ABTB2: variants seen among roughly 807,000 people sequenced by gnomAD.
ABTB2 encodes the protein ankyrin repeat and BTB domain containing 2, also known as ankyrin repeat and BTB/POZ domain-containing protein 2.
In ABTB2, 56 loss-of-function variants were observed where a neutral mutation model predicts 104.1. That is an observed-to-expected ratio of 0.54 (90% CI 0.43 to 0.67). The LOEUF is 0.67. Ranked by LOEUF, ABTB2 falls within the 30% of genes least tolerant of loss-of-function variation. The probability of loss-of-function intolerance (pLI) is 0.00; values close to 1 mark genes in which losing one functional copy is unlikely to be tolerated. For synonymous variants in ABTB2, 606 were observed against 608.2 expected (o/e 1.00, Z 0.05); for missense variants, 1,279 against 1,407.7 (o/e 0.91, Z 1.46).
intron 1 of ABTB2, among the ~76,000 whole-genome samples, chr11:34,338,630 G>C (rs912236979): frequency 1.3e-5 from 2 of 151,898 alleles, no homozygotes. Flanking sequence ...CACTTGAACC[G>C]GGGCAAGGCT....
At chr11:34,301,909 C>G (rs1854711542) in intron 1 of ABTB2, among the ~76,000 whole-genome samples, 1 of 152,190 alleles carries the variant, frequency 6.6e-6, no homozygotes, top group Non-Finnish European at 1.5e-5. Context: ...ATCGCTTGTG[C>G]CCAGAGGTTT....
intron 3 of ABTB2, among the ~76,000 whole-genome samples, chr11:34,196,940 C>G (rs1264228498): frequency 6.6e-6 from 1 of 152,238 alleles, no homozygotes; most frequent in African/African-American, 2.4e-5. Context: ...GGCCAAGGGC[C>G]AGTTCCCACC....
chr11:34,355,425 C>T (rs925769802), intron 1 of ABTB2, among the ~76,000 whole-genome samples: 2 of 152,174 alleles, frequency 1.3e-5, no homozygotes, highest in South Asian at 2.1e-4. Context: ...TATTTAACTG[C>T]TGGGTACCTT....
rs1038819290 is a variant in ABTB2, at chr11:34,357,706, G to A, written c.-123C>T. The A allele has an allele frequency of 3.6e-6, 4 of 1,125,176 alleles. No homozygotes were observed. The highest frequency in any genetic ancestry group is 1.6e-5 in the African/African-American group (1 of 61,440). 69.7% of individuals were successfully genotyped at this position (1,125,176 alleles called of 1,614,324 possible). On this transcript the variant is annotated 5_prime_UTR_variant, in exon 1 of 17. Coordinates refer to ENST00000435224, the MANE Select transcript of ABTB2 (RefSeq NM_145804.3). Reference sequence around the variant, plus strand: ...CCACCCTCCTTCCTCTCTGCGTCGCGGGGCTCGGCGGCCGCATTGCCTGCC... The same window carrying A: ...CCACCCTCCTTCCTCTCTGCGTCGCAGGGCTCGGCGGCCGCATTGCCTGCC...
intron 1 of ABTB2, among the ~76,000 whole-genome samples, chr11:34,337,957 C>G (rs941122565): frequency 2.6e-5 from 4 of 152,116 alleles, no homozygotes; most frequent in Non-Finnish European, 5.9e-5. Flanking sequence ...CCAAACTGTA[C>G]ATCCTCAAGA....
intron 1 of ABTB2, among the ~76,000 whole-genome samples, chr11:34,258,318 T>A (rs746749736): frequency 1.6e-4 from 24 of 152,220 alleles, no homozygotes; most frequent in Non-Finnish European, 3.4e-4. Context: ...CACTTCATTT[T>A]TTTTTCCCTT....
In ABTB2 at chr11:34,170,211, C is replaced by T. The variant is rs925548666; in HGVS notation, c.1563+695G>A. Among the ~76,000 whole-genome samples the T allele has an allele frequency of 2.6e-5, 4 of 152,184 alleles. No homozygotes were observed. The South Asian group carries it at 8.3e-4, about 31-fold the overall frequency. ...AGCAACCTCTCTGTCCCTCAATTTC[C>T]TCATCTATACAATGGGGAAAATAAT... On this transcript the variant is annotated intron_variant, in intron 5 of 16. Coordinates refer to ENST00000435224, the MANE Select transcript of ABTB2 (RefSeq NM_145804.3).
intron 1 of ABTB2, among the ~76,000 whole-genome samples, chr11:34,248,122 A>T: frequency 7.3e-6 from 1 of 137,458 alleles, no homozygotes; most frequent in Non-Finnish European, 1.5e-5. Context: ...AAAAAAAAAA[A>T]CAGGGTCTTG....
chr11:34,167,815 A>G, intron 6 of ABTB2, 88 bp downstream of exon 6: 1 of 1,409,612 alleles, frequency 7.1e-7, no homozygotes, highest in Non-Finnish European at 9.9e-7. Context: ...CAGTTGCCCA[A>G]AACATCACGC....
Position 34,159,438 on chromosome 11 carries a change from CTG to C in ABTB2, c.2607-54_2607-53del, listed in dbSNP as rs776847720. The C allele has an allele frequency of 5.4e-5, 67 of 1,249,734 alleles. No individual in the cohort carries two copies. The Admixed American group carries it at 1.1e-3, about 21-fold the overall frequency. 77.4% of individuals were successfully genotyped at this position (1,249,734 alleles called of 1,614,324 possible). ...GGGTTTTGAACCTTTTACTTCACCA[CTG>C]TGTGGCGATGGCACCATCTGTCACC... On this transcript the variant is annotated intron_variant, in intron 13 of 16. Coordinates refer to ENST00000435224, the MANE Select transcript of ABTB2 (RefSeq NM_145804.3).
intron 3 of ABTB2, among the ~76,000 whole-genome samples, chr11:34,186,324 C>T (rs548574685): frequency 1.6e-4 from 24 of 152,348 alleles, no homozygotes; most frequent in Middle Eastern, 3.4e-3. Flanking sequence ...GGATAGAAAT[C>T]CCAAGAGCTG....
chr11:34,351,361 T>C (rs1855395835), intron 1 of ABTB2, among the ~76,000 whole-genome samples: 1 of 152,236 alleles, frequency 6.6e-6, no homozygotes, highest in Non-Finnish European at 1.5e-5. Context: ...TCAATCCTCC[T>C]GTTGACTTTT....
chr11:34,154,331 G>A lies in ABTB2; in HGVS notation c.2814C>T (p.His938=). The A allele has an allele frequency of 6.2e-7, 1 of 1,614,050 alleles. No homozygotes were observed. The highest frequency in any genetic ancestry group is 8.5e-7 in the Non-Finnish European group (1 of 1,179,976). Residue 938 remains histidine, a synonymous_variant, in exon 16 of 17, where the codon CAC becomes CAT. Coordinates refer to ENST00000435224, the MANE Select transcript of ABTB2 (RefSeq NM_145804.3). The surrounding 1 kb of genome is among the most constrained non-coding windows in gnomAD (Gnocchi z 4.9). The stretch of plus-strand genomic sequence containing the variant: ...GGGTCTGGGAGCACAGGATCTCGCA[G>A]TGCCTCTGCAGGGCATCCAGCTGGA... The part of the protein sequence containing the change: ...SLFQLDALQR[H]CEILCSQTLS...
chr11:34,351,457 C>A (rs943679500), intron 1 of ABTB2, among the ~76,000 whole-genome samples: 7 of 152,156 alleles, frequency 4.6e-5, no homozygotes, highest in Admixed American at 4.6e-4. Flanking sequence ...ACTGAAAATT[C>A]CCCCAACTCA....
At chr11:34,284,471 C>G (rs1376548230) in intron 1 of ABTB2, among the ~76,000 whole-genome samples, 2 of 152,212 alleles carry the variant, frequency 1.3e-5, no homozygotes, top group Non-Finnish European at 2.9e-5. Context: ...AAAAGGCAGG[C>G]AGCACCAAAG....
chr11:34,159,878 T>A, intron 13 of ABTB2, 28 bp downstream of exon 13: 1 of 1,559,860 alleles, frequency 6.4e-7, no homozygotes. Flanking sequence ...GCCCCTGGGC[T>A]GGGAGTTTGT....
intron 1 of ABTB2, among the ~76,000 whole-genome samples, chr11:34,205,832 G>C (rs1181383704): frequency 6.6e-6 from 1 of 152,084 alleles, no homozygotes; most frequent in Non-Finnish European, 1.5e-5. Flanking sequence ...CGTAACCAGT[G>C]GTGTGATCTT....
At chr11:34,161,276 T>G (rs982644027) in intron 10 of ABTB2, among the ~76,000 whole-genome samples, 195 bp from the exon 11 acceptor site, 5 of 149,432 alleles carry the variant, frequency 3.3e-5, no homozygotes, top group Non-Finnish European at 5.9e-5. Flanking sequence ...AAAGCTTTAA[T>G]TCATTCTAAT....
intron 1 of ABTB2, among the ~76,000 whole-genome samples, chr11:34,306,089 G>A (rs1259103613): frequency 6.6e-6 from 1 of 152,098 alleles, no homozygotes; most frequent in African/African-American, 2.4e-5. Context: ...GAAGTTAACA[G>A]TCACATTCTC....
Sources: allele counts gnomAD v4.1 joint callset (sites outside exome capture counted in the v4.1 genomes callset), GRCh38; gene constraint gnomAD v4.1.1; non-coding constraint Gnocchi (gnomAD v3.1); transcripts MANE v1.5; gene names NCBI Gene and HGNC (gene_info 2026-07-23, HGNC 2026-07-21).